ACOT1: variants seen among roughly 807,000 people sequenced by gnomAD.
ACOT1 encodes acyl-coenzyme A thioesterase 1.
A neutral mutation model predicts 15.7 loss-of-function variants in ACOT1; 8 were observed. The ratio of observed to expected loss-of-function variants is 0.51; its 90% CI spans 0.30 to 0.92. The LOEUF (loss-of-function observed/expected upper bound fraction) is 0.92. Ranked by LOEUF, ACOT1 falls within the 40% of genes least tolerant of loss-of-function variation. ACOT1 has a pLI of 0.06. For synonymous variants in ACOT1, 67 were observed against 241.2 expected (o/e 0.28, Z 6.69); for missense variants, 151 against 539.4 (o/e 0.28, Z 7.13).
At chr14:73,493,001 T>TG in the ACOT1 span, 35 of 1,213,252 alleles carry the variant, frequency 2.9e-5, no homozygotes, top group African/African-American at 4.1e-4. Flanking sequence ...ACTGCTACCT[T>TG]TTTTTTTTTT....
chr14:73,506,804 G>GTTATTTTTTTTTTTTTTT, the ACOT1 span, among the ~76,000 whole-genome samples: 1 of 80,522 alleles, frequency 1.2e-5, no homozygotes, highest in African/African-American at 4.9e-5. Context: ...GACTTTAACT[G>GTTATTTTTTTTTTTTTTT]TTTTTTTTTT....
At chr14:73,514,346 A>G in the ACOT1 span, 4 of 891,292 alleles carry the variant, frequency 4.5e-6, no homozygotes, top group Non-Finnish European at 6.9e-6. Context: ...AAGCAAAACA[A>G]AACCCTCAAG....
chr14:73,496,116 C>T, the ACOT1 span, among the ~76,000 whole-genome samples: 4 of 151,802 alleles, frequency 2.6e-5, no homozygotes, highest in Non-Finnish European at 4.4e-5. Context: ...GGCGACAGAG[C>T]GAGACTGTCC....
At chr14:73,524,349 G>A in the ACOT1 span, among the ~76,000 whole-genome samples, 2 of 129,836 alleles carry the variant, frequency 1.5e-5, no homozygotes, top group Non-Finnish European at 1.6e-5. Flanking sequence ...TAGCTGTAAC[G>A]TATTTTATCA....
upstream of ACOT1, among the ~76,000 whole-genome samples, chr14:73,533,850 C>T (rs1219517957): frequency 2.1e-5 from 2 of 96,122 alleles, no homozygotes; most frequent in Non-Finnish European, 4.3e-5. Context: ...AGTTCGAGAC[C>T]AGTCTGGGCA....
chr14:73,499,374 G>A, the ACOT1 span, among the ~76,000 whole-genome samples: 7 of 152,090 alleles, frequency 4.6e-5, no homozygotes, highest in East Asian at 1.9e-4. Flanking sequence ...CCAGCTACTC[G>A]GAGGCTGAGG....
the ACOT1 span, chr14:73,496,810 C>CTTA: frequency 1.6e-6 from 1 of 617,402 alleles, no homozygotes; most frequent in Non-Finnish European, 2.9e-6. Flanking sequence ...TTTGCTGAGC[C>CTTA]TTATATGCAA....
At chr14:73,498,571 A>G in the ACOT1 span, among the ~76,000 whole-genome samples, 4 of 152,224 alleles carry the variant, frequency 2.6e-5, no homozygotes, top group African/African-American at 9.6e-5. Context: ...GGGATGAAAT[A>G]TAGAACAAAT....
the ACOT1 span, among the ~76,000 whole-genome samples, chr14:73,510,587 C>T: frequency 6.6e-6 from 1 of 152,136 alleles, no homozygotes; most frequent in Non-Finnish European, 1.5e-5. Context: ...AGGCACCTGT[C>T]ACCACGCCTG....
the ACOT1 span, among the ~76,000 whole-genome samples, chr14:73,532,025 G>T: frequency 2.6e-5 from 3 of 113,592 alleles, 1 homozygote; most frequent in Non-Finnish European, 5.7e-5. Context: ...AGAGTGAAGT[G>T]CAGTCTCAAA....
chr14:73,506,526 A>C, the ACOT1 span: 3 of 1,613,904 alleles, frequency 1.9e-6, no homozygotes, highest in Non-Finnish European at 2.5e-6. Context: ...CGGTTCTTCC[A>C]TTGACAGCTG....
chr14:73,510,197 A>G, the ACOT1 span, among the ~76,000 whole-genome samples: 1 of 151,528 alleles, frequency 6.6e-6, no homozygotes, highest in Non-Finnish European at 1.5e-5. Context: ...ATATTTAGGT[A>G]GTGCTTTATA....
At chr14:73,503,720 T>C in the ACOT1 span, among the ~76,000 whole-genome samples, 1 of 152,214 alleles carries the variant, frequency 6.6e-6, no homozygotes, top group East Asian at 1.9e-4. Context: ...CACAACACCT[T>C]ATAGCTGCTT....
At chr14:73,492,547 G>GC in the ACOT1 span, 1 of 1,613,800 alleles carries the variant, frequency 6.2e-7, no homozygotes, top group Non-Finnish European at 8.5e-7. The surrounding 1 kb of genome is among the most constrained non-coding windows in gnomAD (Gnocchi z 4.9). Context: ...ACGATTCTCT[G>GC]CCCCCTGTTT....
At chr14:73,497,396 G>A in the ACOT1 span, among the ~76,000 whole-genome samples, 1 of 152,108 alleles carries the variant, frequency 6.6e-6, no homozygotes, top group Non-Finnish European at 1.5e-5. Context: ...CTTTATGACA[G>A]GCGCTAAACA....
chr14:73,498,377 G>C, the ACOT1 span: 1 of 1,536,802 alleles, frequency 6.5e-7, no homozygotes, highest in Non-Finnish European at 8.9e-7. Flanking sequence ...TGTCACTGAA[G>C]ACTGAGCTTA....
the ACOT1 span, chr14:73,492,580 A>G: frequency 5.0e-6 from 8 of 1,613,920 alleles, no homozygotes; most frequent in Non-Finnish European, 6.8e-6. The surrounding 1 kb of genome is among the most constrained non-coding windows in gnomAD (Gnocchi z 4.9). Context: ...AGAGGGCACT[A>G]AGTGTTTACG....
At chr14:73,530,449 G>A in the ACOT1 span, 1 of 130,130 alleles carries the variant, frequency 7.7e-6, no homozygotes, top group Non-Finnish European at 1.7e-5. Context: ...GGGAGAGTGG[G>A]ATTAGGGAAC....
the ACOT1 span, among the ~76,000 whole-genome samples, chr14:73,505,658 G>A: frequency 6.6e-6 from 1 of 152,014 alleles, no homozygotes; most frequent in Non-Finnish European, 1.5e-5. Context: ...CTCCCAAAGT[G>A]CTGGCATTAC....
Sources: allele counts gnomAD v4.1 joint callset (sites outside exome capture counted in the v4.1 genomes callset), GRCh38; gene constraint gnomAD v4.1.1; non-coding constraint Gnocchi (gnomAD v3.1); transcripts MANE v1.5; gene names NCBI Gene and HGNC (gene_info 2026-07-23, HGNC 2026-07-21).